SORBS2: variants seen among roughly 807,000 people sequenced by gnomAD.
The protein encoded by SORBS2 is sorbin and SH3 domain containing 2.
A neutral mutation model predicts 97.7 loss-of-function variants in SORBS2; 46 were observed. The ratio of observed to expected loss-of-function variants is 0.47; its 90% confidence interval spans 0.37 to 0.60. SORBS2 has a LOEUF of 0.60. Ranked by LOEUF, SORBS2 falls within the 20% of genes least tolerant of loss-of-function variation. The pLI, the probability that SORBS2 is intolerant of heterozygous loss-of-function variation, is 0.00. For synonymous variants in SORBS2, 476 were observed against 473.4 expected (o/e 1.01, Z -0.07); for missense variants, 1,316 against 1,282.3 (o/e 1.03, Z -0.40).
chr4:185,893,293 C>A (rs1011215825), intron 1 of SORBS2, among the ~76,000 whole-genome samples: 1 of 152,152 alleles, frequency 6.6e-6, no homozygotes, highest in Non-Finnish European at 1.5e-5. Flanking sequence ...ATAACATCTG[C>A]GAGTGTGAGC....
At chr4:185,908,315 ATATATATTTG>A (rs2099252740) in intron 1 of SORBS2, among the ~76,000 whole-genome samples, 1 of 132,358 alleles carries the variant, frequency 7.6e-6, no homozygotes, top group Non-Finnish European at 1.7e-5. Context: ...ATATATATAT[ATATATATTTG>A]TATACACACA....
chr4:185,589,577 C>G (rs183724398), intron 14 of SORBS2, 102 bp downstream of exon 26: 6 of 734,688 alleles, frequency 8.2e-6, no homozygotes, highest in Non-Finnish European at 1.5e-5. Flanking sequence ...AAAGGCATTA[C>G]GAATTCAAAG....
chr4:185,587,428 G>A (rs1051619930), exon 15 of SORBS2: 1 of 587,602 alleles, frequency 1.7e-6, no homozygotes, highest in Admixed American at 2.9e-5. Flanking sequence ...CACTTTCACG[G>A]AGGGGGACCA....
chr4:185,893,082 T>C (rs1221845943), intron 1 of SORBS2, among the ~76,000 whole-genome samples: 1 of 152,124 alleles, frequency 6.6e-6, no homozygotes, highest in African/African-American at 2.4e-5. Context: ...GGTCTTGAAT[T>C]TTCTAAGGAT....
intron 14 of SORBS2, 23 bp from the exon 27 acceptor site, chr4:185,587,711 A>G: frequency 1.3e-6 from 2 of 1,587,612 alleles, no homozygotes; most frequent in South Asian, 1.1e-5. Flanking sequence ...GCGAGTCATG[A>G]AAGGGGGGTG....
chr4:185,820,815 G>A (rs1022302279), intron 1 of SORBS2, among the ~76,000 whole-genome samples: 1 of 152,158 alleles, frequency 6.6e-6, no homozygotes, highest in African/African-American at 2.4e-5. Context: ...ACTGCAGGAC[G>A]GCAGAGATCA....
intron 1 of SORBS2, among the ~76,000 whole-genome samples, chr4:185,784,340 C>G (rs1358853892): frequency 2.6e-5 from 4 of 152,158 alleles, no homozygotes; most frequent in Middle Eastern, 3.2e-3. Context: ...CTATGTTGGC[C>G]AGGATGGTCT....
At chr4:185,792,350 T>C (rs1197143527) in intron 1 of SORBS2, among the ~76,000 whole-genome samples, 1 of 152,052 alleles carries the variant, frequency 6.6e-6, no homozygotes, top group East Asian at 1.9e-4. Context: ...AAAAATTAGC[T>C]GGGTGTGGTG....
At chr4:185,822,923 G>A (rs1044216583) in intron 1 of SORBS2, among the ~76,000 whole-genome samples, 2 of 152,196 alleles carry the variant, frequency 1.3e-5, no homozygotes, top group Non-Finnish European at 2.9e-5. Flanking sequence ...CCCAATTCAC[G>A]ATGCCAAAGG....
chr4:185,635,129 C>A (rs563042602), intron 4 of SORBS2, among the ~76,000 whole-genome samples: 5 of 152,126 alleles, frequency 3.3e-5, no homozygotes, highest in Non-Finnish European at 7.4e-5. Flanking sequence ...GTATAACTAG[C>A]AGTTGTGGTT....
chr4:185,644,441 C>CA (rs1561626632), intron 4 of SORBS2, among the ~76,000 whole-genome samples: 1 of 152,162 alleles, frequency 6.6e-6, no homozygotes, highest in Admixed American at 6.5e-5. Context: ...ATTTATACTG[C>CA]AAAATCATCA....
intron 2 of SORBS2, among the ~76,000 whole-genome samples, chr4:185,712,823 C>G (rs571090047): frequency 2.0e-5 from 3 of 152,214 alleles, no homozygotes; most frequent in Non-Finnish European, 2.9e-5. Flanking sequence ...AGGCACCCCC[C>G]TCGCAAGTGC....
chr4:185,809,683 A>C (rs1346553698), intron 1 of SORBS2, among the ~76,000 whole-genome samples: 1 of 152,174 alleles, frequency 6.6e-6, no homozygotes, highest in Non-Finnish European at 1.5e-5. Context: ...ATTGAACTTA[A>C]AATGGTCATC....
intron 9 of SORBS2, among the ~76,000 whole-genome samples, chr4:185,617,094 T>TG (rs1391415215): frequency 1.3e-5 from 2 of 152,218 alleles, no homozygotes; most frequent in African/African-American, 4.8e-5. Flanking sequence ...GAGCCTTGGG[T>TG]GGACACCCTT....
chr4:185,805,121 T>C (rs1243362560), intron 1 of SORBS2, among the ~76,000 whole-genome samples: 1 of 152,200 alleles, frequency 6.6e-6, no homozygotes, highest in African/African-American at 2.4e-5. Flanking sequence ...TTTTCTTATC[T>C]TCTGAATTAT....
intron 1 of SORBS2, among the ~76,000 whole-genome samples, chr4:185,937,680 T>C (rs2099269617): frequency 6.6e-6 from 1 of 152,090 alleles, no homozygotes; most frequent in African/African-American, 2.4e-5. Context: ...TGATGCCTCA[T>C]TAAAACCACT....
At chr4:185,690,492 T>C (rs2098072987) in intron 2 of SORBS2, 70 bp downstream of exon 4, 7 of 971,408 alleles carry the variant, frequency 7.2e-6, no homozygotes, top group South Asian at 1.7e-5. Flanking sequence ...AGTGCTAAAC[T>C]AATGATTTAG....
chr4:185,591,559 G>A (rs1028276000), intron 13 of SORBS2, among the ~76,000 whole-genome samples: 1 of 152,142 alleles, frequency 6.6e-6, no homozygotes, highest in South Asian at 2.1e-4. Flanking sequence ...CAGGTGAAGG[G>A]GTGGTATCTT....
chr4:185,796,458 C>T (rs541483870), intron 1 of SORBS2, among the ~76,000 whole-genome samples: 4 of 148,672 alleles, frequency 2.7e-5, no homozygotes, highest in African/African-American at 1.0e-4. Context: ...CATGCCTGGG[C>T]GCTGTGGCCA....
Sources: allele counts gnomAD v4.1 joint callset (sites outside exome capture counted in the v4.1 genomes callset), GRCh38; gene constraint gnomAD v4.1.1; transcripts MANE v1.5; gene names NCBI Gene and HGNC (gene_info 2026-07-23, HGNC 2026-07-21).